Variants in PLXDC2 observed in about 807,000 individuals in gnomAD.
The protein encoded by PLXDC2 is plexin domain containing 2, also known as plexin domain-containing protein 2.
Under a neutral mutation model 68.9 loss-of-function variants are expected in PLXDC2, and 40 were observed. The observed-to-expected ratio is 0.58, with a 90% CI of 0.45 to 0.76. The LOEUF is 0.76. PLXDC2 is among the 30% of genes least tolerant of loss of function. The pLI is 0.00. For missense variants in PLXDC2, 644 were observed against 661.9 expected (o/e 0.97, Z 0.30); for synonymous variants, 243 against 234.2 (o/e 1.04, Z -0.34).
chr10:19,865,614 A>C (rs545167537), intron 1 of PLXDC2, among the ~76,000 whole-genome samples: 2 of 152,302 alleles, frequency 1.3e-5, no homozygotes, highest in South Asian at 4.1e-4. Flanking sequence ...AAGTACCTCC[A>C]AGCATCTGAA....
At chr10:20,203,862 G>A (rs1239213402) in intron 9 of PLXDC2, among the ~76,000 whole-genome samples, 5 of 152,142 alleles carry the variant, frequency 3.3e-5, no homozygotes, top group African/African-American at 1.2e-4. Flanking sequence ...CAAAGTTCTT[G>A]TATTCTGCAG....
In PLXDC2 at chr10:20,052,042, C is replaced by T. The variant is rs191730684; in HGVS notation, c.471+5027C>T. On this transcript the variant is annotated intron_variant, in intron 3 of 13. Transcript: ENST00000377252. ...CTCTCAACAGAAAACACACACACACCGCACACGACCACACACACAGTTAAA... is the reference window on the plus strand; with the variant it reads ...CTCTCAACAGAAAACACACACACACTGCACACGACCACACACACAGTTAAA... Among the ~76,000 whole-genome samples, 97 of 151,796 alleles carry T rather than the reference C, an allele frequency of 6.4e-4. 1 individual carries two copies. Among genetic ancestry groups the T allele is most frequent in the South Asian group, 1.0e-3 (5 of 4,802 alleles).
chr10:19,961,213 T>C (rs1381792635), intron 1 of PLXDC2, among the ~76,000 whole-genome samples: 1 of 152,242 alleles, frequency 6.6e-6, no homozygotes, highest in Non-Finnish European at 1.5e-5. Flanking sequence ...GGCAGAGATG[T>C]ACGCTGTGCA....
chr10:19,849,912 T>A (rs994346184), intron 1 of PLXDC2, among the ~76,000 whole-genome samples: 2 of 152,188 alleles, frequency 1.3e-5, no homozygotes, highest in African/African-American at 4.8e-5. Context: ...AAGTTCTTCC[T>A]AAAGGGAGGT....
intron 12 of PLXDC2, among the ~76,000 whole-genome samples, chr10:20,234,441 C>T (rs975611143): frequency 2.0e-5 from 3 of 152,110 alleles, no homozygotes; most frequent in Non-Finnish European, 4.4e-5. Flanking sequence ...TCCTAAGCAG[C>T]GTGATTCTGT....
chr10:19,833,382 A>G (rs1836730642), intron 1 of PLXDC2, among the ~76,000 whole-genome samples: 1 of 152,208 alleles, frequency 6.6e-6, no homozygotes, highest in African/African-American at 2.4e-5. Flanking sequence ...TCAGACTTGC[A>G]TGGCTGCCTG....
intron 2 of PLXDC2, among the ~76,000 whole-genome samples, chr10:20,021,295 T>C (rs1835304236): frequency 1.3e-5 from 2 of 152,282 alleles, no homozygotes; most frequent in Admixed American, 6.5e-5. Context: ...ATGGGATACA[T>C]GCGCAGAATG....
intron 1 of PLXDC2, among the ~76,000 whole-genome samples, chr10:19,888,196 A>G (rs186179902): frequency 6.6e-5 from 10 of 152,376 alleles, no homozygotes; most frequent in African/African-American, 2.2e-4. Context: ...CAAAAGAATG[A>G]TAAGAAATTA....
At chr10:20,208,225 A>G (rs921690975) in intron 9 of PLXDC2, among the ~76,000 whole-genome samples, 2 of 152,162 alleles carry the variant, frequency 1.3e-5, no homozygotes, top group Admixed American at 1.3e-4. Flanking sequence ...TGGGTAATTT[A>G]TAAAGAAAAA....
chr10:20,198,751 T>G (rs1414360572), intron 9 of PLXDC2, among the ~76,000 whole-genome samples: 1 of 152,172 alleles, frequency 6.6e-6, no homozygotes, highest in South Asian at 2.1e-4. Flanking sequence ...TTACCTTGTT[T>G]TTGTCACATA....
intron 2 of PLXDC2, among the ~76,000 whole-genome samples, chr10:20,017,904 A>G (rs1835240657): frequency 6.6e-6 from 1 of 152,206 alleles, no homozygotes. Context: ...TTCTTTCTGG[A>G]TGCAGGAGAA....
intron 4 of PLXDC2, among the ~76,000 whole-genome samples, chr10:20,078,276 A>G (rs937955488): frequency 6.6e-6 from 1 of 152,096 alleles, no homozygotes; most frequent in Non-Finnish European, 1.5e-5. Flanking sequence ...CCAGCTTCTC[A>G]GGAGGCTGAG....
intron 1 of PLXDC2, among the ~76,000 whole-genome samples, chr10:19,994,684 A>G (rs1834812111): frequency 6.6e-6 from 1 of 151,616 alleles, no homozygotes; most frequent in Non-Finnish European, 1.5e-5. Context: ...GGTTTCATAC[A>G]TAAACTTTTA....
At chr10:19,859,534 A>G (rs866981417) in intron 1 of PLXDC2, among the ~76,000 whole-genome samples, 1 of 152,164 alleles carries the variant, frequency 6.6e-6, no homozygotes, top group South Asian at 2.1e-4. Flanking sequence ...AATTGAAATT[A>G]CATATTAATT....
At chr10:20,093,025 C>T (rs11011794) in intron 4 of PLXDC2, among the ~76,000 whole-genome samples, 3,800 of 152,192 alleles carry the variant, frequency 0.025, 161 homozygotes, top group African/African-American at 0.088. Flanking sequence ...AGAATAAATG[C>T]ATGTTGTTTT....
At chr10:19,976,335 T>C (rs1001955068) in intron 1 of PLXDC2, among the ~76,000 whole-genome samples, 5 of 152,088 alleles carry the variant, frequency 3.3e-5, no homozygotes, top group African/African-American at 1.2e-4. Flanking sequence ...TGCCTCAGCC[T>C]CCCGAGTAGC....
chr10:20,203,780 G>A (rs956821812), intron 9 of PLXDC2, among the ~76,000 whole-genome samples: 2 of 152,172 alleles, frequency 1.3e-5, no homozygotes, highest in African/African-American at 2.4e-5. Flanking sequence ...AAGATGCCAC[G>A]TGTACGGATG....
chr10:19,827,535 G>A (rs745332006), intron 1 of PLXDC2, among the ~76,000 whole-genome samples: 14 of 150,534 alleles, frequency 9.3e-5, no homozygotes, highest in Non-Finnish European at 2.1e-4. Flanking sequence ...AGTACCACAG[G>A]GCTTCATAAC....
chr10:20,245,281 C>T (rs914675737), intron 12 of PLXDC2, 64 bp from the exon 13 acceptor site: 43 of 1,508,418 alleles, frequency 2.9e-5, no homozygotes, highest in Admixed American at 8.8e-5. Flanking sequence ...AATATCTCCT[C>T]AGATGAAAAT....
Sources: gnomAD v4.1 joint callset for allele counts (sites outside exome capture counted in the v4.1 genomes callset) on GRCh38, gnomAD v4.1.1 for gene constraint, MANE v1.5 for transcripts, NCBI Gene and HGNC (gene_info 2026-07-23, HGNC 2026-07-21) for gene names.